The following ARHGAP24 variants were observed in gnomAD, a reference collection of about 807,000 sequenced individuals.
The protein encoded by ARHGAP24 is rho GTPase-activating protein 24.
ARHGAP24 carries 50 observed loss-of-function variants against 76.4 expected under a neutral mutation model. The ratio of observed to expected loss-of-function variants is 0.65; its 90% CI spans 0.52 to 0.83. ARHGAP24 has a LOEUF of 0.83. Among genes scored for constraint, ARHGAP24 ranks in the 40% least tolerant of loss-of-function variants. The pLI, the probability that ARHGAP24 is intolerant of heterozygous loss-of-function variation, is 0.00. For missense variants in ARHGAP24, 930 were observed against 914.2 expected (o/e 1.02, Z -0.22); for synonymous variants, 345 against 323.3 (o/e 1.07, Z -0.72).
chr4:85,499,396 T>C (rs1159444886), intron 1 of ARHGAP24, among the ~76,000 whole-genome samples: 1 of 152,194 alleles, frequency 6.6e-6, no homozygotes, highest in East Asian at 1.9e-4. Context: ...ATACTATCAC[T>C]AGCAAGCATT....
At chr4:85,557,489 G>A (rs1247468133) in intron 1 of ARHGAP24, among the ~76,000 whole-genome samples, 1 of 152,172 alleles carries the variant, frequency 6.6e-6, no homozygotes, top group Non-Finnish European at 1.5e-5. Flanking sequence ...GGTCCCTGAG[G>A]ACTCTCACTT....
intron 2 of ARHGAP24, among the ~76,000 whole-genome samples, chr4:85,632,670 C>A (rs978689636): frequency 2.7e-5 from 4 of 150,546 alleles, no homozygotes; most frequent in Non-Finnish European, 4.4e-5. Context: ...GCCAAGTCTG[C>A]ATTAATTAAT....
intron 5 of ARHGAP24, among the ~76,000 whole-genome samples, chr4:85,944,310 T>C (rs1578416371): frequency 6.6e-6 from 1 of 152,212 alleles, no homozygotes; most frequent in Admixed American, 6.5e-5. Context: ...ATTCTTAGCA[T>C]TGGAGTTTTT....
At chr4:85,522,149 C>T (rs945566163) in intron 1 of ARHGAP24, among the ~76,000 whole-genome samples, 2 of 152,038 alleles carry the variant, frequency 1.3e-5, no homozygotes, top group African/African-American at 4.8e-5. Flanking sequence ...AAATGCAAGT[C>T]CATCTGTTTT....
At chr4:85,855,189 G>A (rs1333994532) in intron 3 of ARHGAP24, among the ~76,000 whole-genome samples, 1 of 152,170 alleles carries the variant, frequency 6.6e-6, no homozygotes, top group African/African-American at 2.4e-5. Context: ...GGCCCAATAT[G>A]CTTAGACACT....
chr4:85,489,506 T>A lies in ARHGAP24; in HGVS notation c.-21+13947T>A, dbSNP rs144832386. Among the ~76,000 whole-genome samples, 1,112 of 151,924 alleles carry A rather than the reference T, an allele frequency of 7.3e-3. 14 individuals are homozygous for A. Among genetic ancestry groups the A allele is most frequent in the African/African-American group, 0.025 (1,053 of 41,440 alleles). On this transcript the variant is annotated intron_variant, in intron 1 of 9. Coordinates refer to ENST00000395184, the MANE Select transcript of ARHGAP24 (RefSeq NM_001025616.3). ...GGACTCCTTTCTTAAACAGGAGAGG[T>A]CAAATAGAGCCAGTTGGCCCTGCAG...
At chr4:85,871,698 A>C (rs1347024687) in intron 3 of ARHGAP24, among the ~76,000 whole-genome samples, 2 of 152,166 alleles carry the variant, frequency 1.3e-5, no homozygotes, top group African/African-American at 4.8e-5. Flanking sequence ...CCACATGAGC[A>C]CATTGATGTA....
At chr4:85,773,473 C>A (rs1727202428) in intron 3 of ARHGAP24, among the ~76,000 whole-genome samples, 1 of 152,146 alleles carries the variant, frequency 6.6e-6, no homozygotes, top group East Asian at 1.9e-4. Flanking sequence ...TACTCTATCT[C>A]CTACTTGGAA....
intron 2 of ARHGAP24, among the ~76,000 whole-genome samples, chr4:85,655,818 A>AGAGAGAGAGAGAAAG (rs1237643654): frequency 3.4e-4 from 12 of 35,502 alleles, no homozygotes; most frequent in Non-Finnish European, 5.1e-4. Flanking sequence ...GAGAGAGAGA[A>AGAGAGAGAGAGAAAG]AGAGAGAGAG....
intron 1 of ARHGAP24, among the ~76,000 whole-genome samples, chr4:85,561,162 A>G (rs1726581365): frequency 6.6e-6 from 1 of 152,130 alleles, no homozygotes. Context: ...GGATGGTATC[A>G]TGCAAGGGGA....
intron 3 of ARHGAP24, among the ~76,000 whole-genome samples, chr4:85,783,969 A>G (rs1486674878): frequency 6.6e-6 from 1 of 152,120 alleles, no homozygotes; most frequent in Non-Finnish European, 1.5e-5. Flanking sequence ...ACAAACAAAC[A>G]AATCTTCAGC....
intron 3 of ARHGAP24, among the ~76,000 whole-genome samples, chr4:85,884,201 A>AT (rs1733426412): frequency 1.3e-5 from 2 of 152,074 alleles, no homozygotes; most frequent in South Asian, 2.1e-4. Context: ...TATAGAACCT[A>AT]TTTTTTCAAA....
chr4:85,773,891 A>G (rs2110080171), intron 3 of ARHGAP24, among the ~76,000 whole-genome samples: 1 of 152,210 alleles, frequency 6.6e-6, no homozygotes, highest in East Asian at 1.9e-4. Context: ...TTTAGCTTTG[A>G]TCCACTAATG....
At chr4:85,991,904 A>AT in intron 8 of ARHGAP24, 1 of 372,676 alleles carries the variant, frequency 2.7e-6, no homozygotes. Flanking sequence ...ATCTACATAT[A>AT]TTTTTGCATT....
At chr4:85,696,725 T>C (rs140462680) in intron 2 of ARHGAP24, among the ~76,000 whole-genome samples, 385 of 152,330 alleles carry the variant, frequency 2.5e-3, no homozygotes, top group African/African-American at 8.9e-3. Context: ...ATTGTGCTTA[T>C]TGTGAATAAA....
chr4:85,669,486 G>A (rs1317056197), intron 2 of ARHGAP24, among the ~76,000 whole-genome samples: 2 of 151,582 alleles, frequency 1.3e-5, no homozygotes, highest in African/African-American at 4.9e-5. Flanking sequence ...ATGGGAGGAA[G>A]CGCTGTTAAA....
intron 5 of ARHGAP24, among the ~76,000 whole-genome samples, chr4:85,961,932 A>G (rs1281543591): frequency 1.3e-5 from 2 of 152,108 alleles, no homozygotes; most frequent in African/African-American, 4.8e-5. Flanking sequence ...TGAAGATTAC[A>G]TTTCCTTTGT....
chr4:85,953,335 C>G (rs1737725154), intron 5 of ARHGAP24, among the ~76,000 whole-genome samples: 1 of 152,038 alleles, frequency 6.6e-6, no homozygotes, highest in Admixed American at 6.6e-5. Flanking sequence ...AAATAAACTG[C>G]AAGTCCACAG....
chr4:85,751,770 T>C (rs984467314), intron 3 of ARHGAP24, among the ~76,000 whole-genome samples: 1 of 152,176 alleles, frequency 6.6e-6, no homozygotes, highest in African/African-American at 2.4e-5. Context: ...AGCACCATTA[T>C]AGGAATTAGG....
Sources: allele counts gnomAD v4.1 joint callset (sites outside exome capture counted in the v4.1 genomes callset), GRCh38; gene constraint gnomAD v4.1.1; transcripts MANE v1.5; gene names NCBI Gene and HGNC (gene_info 2026-07-23, HGNC 2026-07-21).